SLC22A23: variants seen among roughly 807,000 people sequenced by gnomAD.
SLC22A23 encodes the protein solute carrier family 22 member 23.
In SLC22A23, 26 loss-of-function variants were observed where a neutral mutation model predicts 61.0. That is an observed-to-expected ratio of 0.43 (90% CI 0.31 to 0.59). The LOEUF is 0.59. SLC22A23 is among the 20% of genes least tolerant of loss of function. SLC22A23 has a pLI of 0.11. For missense variants in SLC22A23, 796 were observed against 934.7 expected (o/e 0.85, Z 1.94); for synonymous variants, 430 against 413.9 (o/e 1.04, Z -0.47).
Position 3,362,404 on chromosome 6 carries a change from C to CAAA in SLC22A23, c.914-38405_914-38403dup, listed in dbSNP as rs1156353716. The stretch of plus-strand genomic sequence containing the variant: ...GGCGACAGAGCGAGATTCCGTCTCA[C>CAAA]AAAAAAAAAAAATAAAATAAAAAAT... On this transcript the variant is annotated intron_variant, in intron 3 of 9. Coordinates refer to ENST00000406686, the MANE Select transcript of SLC22A23 (RefSeq NM_015482.2). Among the ~76,000 whole-genome samples the CAAA allele has an allele frequency of 2.8e-3, 148 of 53,166 alleles. 17 individuals are homozygous for CAAA. The highest frequency in any genetic ancestry group is 6.5e-3 in the East Asian group (8 of 1,232). 34.9% of individuals were successfully genotyped at this position (53,166 alleles called of 152,430 possible).
chr6:3,365,534 T>C (rs1765751287), intron 3 of SLC22A23, among the ~76,000 whole-genome samples: 1 of 152,128 alleles, frequency 6.6e-6, no homozygotes, highest in Non-Finnish European at 1.5e-5. Context: ...ATTTAGGTGC[T>C]GGAGATGGAG....
chr6:3,400,367 T>A (rs1226417989), intron 3 of SLC22A23, among the ~76,000 whole-genome samples: 1 of 152,200 alleles, frequency 6.6e-6, no homozygotes, highest in Non-Finnish European at 1.5e-5. Flanking sequence ...GCCCAGAGAT[T>A]CCCTCACATG....
At chr6:3,389,268 C>CAAAAAAAAAAAAAA (rs61020784) in intron 3 of SLC22A23, among the ~76,000 whole-genome samples, 1 of 32,594 alleles carries the variant, frequency 3.1e-5, no homozygotes, top group Non-Finnish European at 4.8e-5. Context: ...AACTCTGTCT[C>CAAAAAAAAAAAAAA]AAAAAAAAAA....
At position 3,324,155 on chromosome 6, in the gene SLC22A23, G is replaced by T; in HGVS notation, c.914-153C>A. Reference sequence around the variant, plus strand: ...CACAAGTGCCCTATGTGGTGTGCCAGTGTTTTACGGGCGCGTTGAGGCTCC... The same window carrying T: ...CACAAGTGCCCTATGTGGTGTGCCATTGTTTTACGGGCGCGTTGAGGCTCC... On this transcript the variant is annotated intron_variant, in intron 3 of 9. Coordinates refer to ENST00000406686, the MANE Select transcript of SLC22A23 (RefSeq NM_015482.2). The surrounding 1 kb of genome is among the most constrained non-coding windows in gnomAD (Gnocchi z 4.3). 2 of 905,650 alleles carry T rather than the reference G, an allele frequency of 2.2e-6. No homozygotes were observed. The highest frequency in any genetic ancestry group is 3.3e-6 in the Non-Finnish European group (2 of 606,210). 56.1% of individuals were successfully genotyped at this position (905,650 alleles called of 1,614,324 possible). A position where few individuals can be genotyped will look rare whatever the true frequency, so the allele number is the denominator to read the frequency against.
chr6:3,382,315 C>T (rs1767001980), intron 3 of SLC22A23, among the ~76,000 whole-genome samples: 1 of 152,222 alleles, frequency 6.6e-6, no homozygotes, highest in Admixed American at 6.5e-5. Context: ...ATTCAAATCT[C>T]ATGGTAGTAT....
intron 3 of SLC22A23, among the ~76,000 whole-genome samples, chr6:3,354,650 G>A (rs1275491952): frequency 6.6e-6 from 1 of 152,228 alleles, no homozygotes; most frequent in African/African-American, 2.4e-5. Flanking sequence ...TTTAGTTGAT[G>A]TCCCAGTAAG....
In SLC22A23 at chr6:3,305,157, T is replaced by C. The variant is rs568095032; in HGVS notation, c.1083-6939A>G. On this transcript the variant is annotated intron_variant, in intron 4 of 9. Transcript: ENST00000406686. Reference sequence around the variant, plus strand: ...GTGTGATGCTTGCAAGTCCATGATATAGTGGCGCTATAATTAACCCCATCT... The same window carrying C: ...GTGTGATGCTTGCAAGTCCATGATACAGTGGCGCTATAATTAACCCCATCT... Among the ~76,000 whole-genome samples the C allele has an allele frequency of 1.1e-4, 17 of 152,244 alleles. No individual in the cohort carries two copies. In the South Asian group the frequency reaches 2.9e-3, roughly 26 times the overall value.
In SLC22A23 at chr6:3,366,403, G is replaced by A. The variant is rs192556042; in HGVS notation, c.914-42401C>T. ...AGGGTATGAGGTATGATGTCACTAC[G>A]TTAGGGCTGTGTAGTCTTGGTCCAC... On this transcript the variant is annotated intron_variant, in intron 3 of 9. Coordinates refer to ENST00000406686, the MANE Select transcript of SLC22A23 (RefSeq NM_015482.2). Among the ~76,000 whole-genome samples, 11 of 149,648 alleles carry A rather than the reference G, an allele frequency of 7.4e-5. No individual in the cohort carries two copies. The East Asian group carries it at 1.6e-3, about 22-fold the overall frequency.
chr6:3,273,905 A>G (rs1758664298), intron 9 of SLC22A23, among the ~76,000 whole-genome samples: 4 of 152,222 alleles, frequency 2.6e-5, no homozygotes, highest in Admixed American at 2.6e-4. Context: ...ATAACTGGAG[A>G]GACTGCAAGA....
rs1758380531 is a variant in SLC22A23, at chr6:3,270,079, T to G, written c.*2976A>C. 1 of 152,382 alleles carries G rather than the reference T, an allele frequency of 6.6e-6. No homozygotes were observed. The highest frequency in any genetic ancestry group is 2.1e-4 in the South Asian group (1 of 4,828). The allele number at this position is 152,382 out of a possible 1,614,324, so 9.4% of individuals were successfully genotyped here. A position where few individuals can be genotyped will look rare whatever the true frequency, so the allele number is the denominator to read the frequency against. On this transcript the variant is annotated 3_prime_UTR_variant, in exon 10 of 10. Transcript: ENST00000406686. The stretch of plus-strand genomic sequence containing the variant: ...GTTTGACTTCAGAAAAAGAACAAAG[T>G]GAAGAAATGTTCAGCTCCATCTCAG...
chr6:3,403,503 A>G (rs1023190403), intron 3 of SLC22A23, among the ~76,000 whole-genome samples: 4 of 152,208 alleles, frequency 2.6e-5, no homozygotes, highest in Admixed American at 2.0e-4. Flanking sequence ...CCCTGGGGAA[A>G]GGGAAGCTGT....
intron 4 of SLC22A23, among the ~76,000 whole-genome samples, chr6:3,300,688 A>C (rs1211952423): frequency 6.6e-6 from 1 of 152,242 alleles, no homozygotes; most frequent in African/African-American, 2.4e-5. Context: ...TTTTATTTCA[A>C]AGTCACATCA....
rs1010262668 is a variant in SLC22A23, at chr6:3,456,622, G to A, written c.-63C>T. 2 of 953,934 alleles carry A rather than the reference G, an allele frequency of 2.1e-6. No individual in the cohort carries two copies. Among genetic ancestry groups the A allele is most frequent in the Non-Finnish European group, 2.5e-6 (2 of 804,160 alleles). 59.1% of individuals were successfully genotyped at this position (953,934 alleles called of 1,614,324 possible). On this transcript the variant is annotated 5_prime_UTR_variant, in exon 1 of 10. Coordinates refer to ENST00000406686, the MANE Select transcript of SLC22A23 (RefSeq NM_015482.2). This position sits in a 1 kb window ranked among gnomAD's most constrained non-coding sequence, Gnocchi z 7.1. ...GCGGCGGAGGCTCCGCGGGCGCCCC[G>A]GGCACAGCGCGCCGGGCCAGGCGCC...
chr6:3,269,165 T>A lies in SLC22A23; in HGVS notation c.*3890A>T, dbSNP rs1758314587. The A allele has an allele frequency of 2.1e-5, 1 of 46,868 alleles. No individual in the cohort carries two copies. Among genetic ancestry groups the A allele is most frequent in the Non-Finnish European group, 4.8e-5 (1 of 20,920 alleles). The allele number at this position is 46,868 out of a possible 1,614,324, so 2.9% of individuals were successfully genotyped here. ...ACAAGGGAAAAAAATTCCTCTTAAT[T>A]TTACTGATGGCCCCCGTCTCTCAGG... On this transcript the variant is annotated 3_prime_UTR_variant, in exon 10 of 10. Coordinates refer to ENST00000406686, the MANE Select transcript of SLC22A23 (RefSeq NM_015482.2).
chr6:3,384,413 C>A (rs1239236559), intron 3 of SLC22A23, among the ~76,000 whole-genome samples: 4 of 152,138 alleles, frequency 2.6e-5, no homozygotes, highest in Non-Finnish European at 5.9e-5. Flanking sequence ...TTTATAAATA[C>A]TTCTAAATCA....
In SLC22A23 at chr6:3,287,097, G is replaced by C. The variant is rs780896717; in HGVS notation, c.1314-6C>G. On this transcript the variant is annotated splice_polypyrimidine_tract_variant and splice_region_variant and intron_variant, in intron 6 of 9. Coordinates refer to ENST00000406686, the MANE Select transcript of SLC22A23 (RefSeq NM_015482.2). ...GGATCCCGTACCCCGTCAGCCTGTGGAGACATACCGAGCGGCAGTGGGTGG... is the reference window on the plus strand; with the variant it reads ...GGATCCCGTACCCCGTCAGCCTGTGCAGACATACCGAGCGGCAGTGGGTGG... 2 of 1,613,274 alleles carry C rather than the reference G, an allele frequency of 1.2e-6. No individual in the cohort carries two copies. Among genetic ancestry groups the C allele is most frequent in the South Asian group, 2.2e-5 (2 of 90,914 alleles).
chr6:3,419,172 C>T (rs1471778201), intron 1 of SLC22A23, among the ~76,000 whole-genome samples: 1 of 152,152 alleles, frequency 6.6e-6, no homozygotes, highest in Non-Finnish European at 1.5e-5. Context: ...CTGAATGTAA[C>T]GGGTTTTGTC....
intron 5 of SLC22A23, chr6:3,291,405 T>G (rs1188114584): frequency 6.6e-6 from 1 of 152,256 alleles, no homozygotes; most frequent in Admixed American, 6.5e-5. Flanking sequence ...ATTCAAACAT[T>G]GTTTTTGAAC....
chr6:3,436,163 T>C (rs942574578), intron 1 of SLC22A23, among the ~76,000 whole-genome samples: 1 of 152,106 alleles, frequency 6.6e-6, no homozygotes, highest in East Asian at 1.9e-4. Flanking sequence ...CTATACTTTT[T>C]TTTTTTGAGA....
Sources: gnomAD v4.1 joint callset for allele counts (sites outside exome capture counted in the v4.1 genomes callset) on GRCh38, gnomAD v4.1.1 for gene constraint, Gnocchi (gnomAD v3.1) non-coding constraint, MANE v1.5 for transcripts, NCBI Gene and HGNC (gene_info 2026-07-23, HGNC 2026-07-21) for gene names.